NPNT: variants seen among roughly 807,000 people sequenced by gnomAD.
The protein encoded by NPNT is nephronectin, also known as preosteoblast EGF-like repeat protein with MAM domain.
NPNT carries 45 observed loss-of-function variants against 68.6 expected under a neutral mutation model. That is an observed-to-expected ratio of 0.66 (90% CI 0.52 to 0.84). The LOEUF (loss-of-function observed/expected upper bound fraction) is 0.84. Ranked by LOEUF, NPNT falls within the 40% of genes least tolerant of loss-of-function variation. The pLI, the probability that NPNT is intolerant of heterozygous loss-of-function variation, is 0.00. For synonymous variants in NPNT, 233 were observed against 253.3 expected, an observed-to-expected ratio of 0.92 and a Z score of 0.76; for missense variants, 672 against 714.8, an observed-to-expected ratio of 0.94 and a Z score of 0.68.
At chr4:105,948,014 T>C (rs1415934362) in intron 8 of NPNT, among the ~76,000 whole-genome samples, 1 of 152,184 alleles carries the variant, frequency 6.6e-6, no homozygotes, top group African/African-American at 2.4e-5. Context: ...TTGGATTTAA[T>C]TTTTTTCATT....
intron 8 of NPNT, among the ~76,000 whole-genome samples, chr4:105,948,924 C>T (rs1018678451): frequency 4.6e-5 from 7 of 152,022 alleles, no homozygotes; most frequent in African/African-American, 1.7e-4. Context: ...TTGAGGGACC[C>T]TAGGTTTTTT....
chr4:105,930,685 T>C (rs1729042870), intron 3 of NPNT, among the ~76,000 whole-genome samples: 1 of 152,200 alleles, frequency 6.6e-6, no homozygotes, highest in African/African-American at 2.4e-5. Context: ...AAAAGTAGCT[T>C]TTGGTATATG....
intron 8 of NPNT, among the ~76,000 whole-genome samples, chr4:105,953,647 T>G (rs1025555290): frequency 6.6e-6 from 1 of 152,194 alleles, no homozygotes; most frequent in African/African-American, 2.4e-5. Flanking sequence ...ATAAAACTCT[T>G]GTCATTCATC....
intron 2 of NPNT, among the ~76,000 whole-genome samples, chr4:105,905,926 T>C (rs1187429096): frequency 1.3e-5 from 2 of 152,216 alleles, no homozygotes; most frequent in Non-Finnish European, 2.9e-5. Flanking sequence ...TCTTCTATTT[T>C]TGATTCCTTA....
At chr4:105,927,237 G>GT (rs1449302711) in intron 2 of NPNT, 99 bp from the exon 3 acceptor site, 46 of 714,644 alleles carry the variant, frequency 6.4e-5, no homozygotes, top group South Asian at 9.7e-5. Flanking sequence ...GTAAGTTCTA[G>GT]TTTTTTTTCT....
At chr4:105,899,348 G>C (rs963498648) in intron 2 of NPNT, among the ~76,000 whole-genome samples, 3 of 152,144 alleles carry the variant, frequency 2.0e-5, no homozygotes, top group Non-Finnish European at 4.4e-5. Context: ...ACCCTCCTGA[G>C]TGAAAAATGA....
At chr4:105,899,690 A>G (rs1726238418) in intron 2 of NPNT, among the ~76,000 whole-genome samples, 1 of 152,222 alleles carries the variant, frequency 6.6e-6, no homozygotes, top group Non-Finnish European at 1.5e-5. Context: ...TCTATGTTAC[A>G]GTGAAATAAA....
At chr4:105,966,384 C>G (rs1038332666) in intron 10 of NPNT, among the ~76,000 whole-genome samples, 2 of 151,946 alleles carry the variant, frequency 1.3e-5, no homozygotes, top group African/African-American at 4.8e-5. Flanking sequence ...ACTCTGTAGC[C>G]CTAGGGATCT....
At chr4:105,960,152 G>T (rs1456205645) in intron 10 of NPNT, among the ~76,000 whole-genome samples, 1 of 152,204 alleles carries the variant, frequency 6.6e-6, no homozygotes, top group Non-Finnish European at 1.5e-5. Context: ...TAATGGAAGG[G>T]TGAGGAGTTT....
chr4:105,926,617 C>T (rs1234342365), intron 2 of NPNT, among the ~76,000 whole-genome samples: 2 of 152,122 alleles, frequency 1.3e-5, no homozygotes, highest in African/African-American at 2.4e-5. Flanking sequence ...TCCAATTAAA[C>T]AGTGAAAATA....
At position 105,895,600 on chromosome 4, in the gene NPNT, C is replaced by A; in HGVS notation, c.-53C>A. 6.7e-7 allele frequency: 1 copy of A among 1,493,078 alleles called. No homozygotes were observed. Among genetic ancestry groups the A allele is most frequent in the Non-Finnish European group, 9.1e-7 (1 of 1,097,242 alleles). The allele number at this position is 1,493,078 out of a possible 1,614,324, so 92.5% of individuals were successfully genotyped here. A position where few individuals can be genotyped will look rare whatever the true frequency, so the allele number is the denominator to read the frequency against. ...GCGCCTCCCATCGGCGCCCACCACC[C>A]CAACCTGTTCCTCGCGCGCCACTGC... On this transcript the variant is annotated 5_prime_UTR_variant, in exon 1 of 12. Coordinates refer to ENST00000379987, the MANE Select transcript of NPNT (RefSeq NM_001033047.3).
chr4:105,968,108 T>A (rs148896774), intron 11 of NPNT, among the ~76,000 whole-genome samples: 68 of 152,338 alleles, frequency 4.5e-4, no homozygotes, highest in African/African-American at 1.3e-3. Flanking sequence ...TGTCATCATT[T>A]TGCTGGTGCT....
chr4:105,960,198 T>C (rs113828509), intron 10 of NPNT, among the ~76,000 whole-genome samples: 1 of 152,216 alleles, frequency 6.6e-6, no homozygotes, highest in African/African-American at 2.4e-5. Flanking sequence ...CTCCTGATTC[T>C]AGATTTTAAG....
intron 8 of NPNT, among the ~76,000 whole-genome samples, chr4:105,947,351 C>G (rs7672530): frequency 0.92 from 139,854 of 152,212 alleles, 64,350 homozygotes; most frequent in East Asian, 1. Context: ...GAAGATAATA[C>G]GATTAAGAGA....
At chr4:105,898,246 C>A (rs2149309343) in intron 2 of NPNT, 1 of 350,372 alleles carries the variant, frequency 2.9e-6, no homozygotes, top group Non-Finnish European at 5.1e-6. Flanking sequence ...TAGCATTTTT[C>A]CCCCCAAATC....
rs567203969 is a variant in NPNT, at chr4:105,895,674, G to T, written c.22G>T (p.Val8Leu). 6.4e-7 allele frequency: 1 copy of T among 1,553,012 alleles called. No homozygotes were observed. The highest frequency in any genetic ancestry group is 1.2e-5 in the South Asian group (1 of 84,152). The change falls in exon 1 of 12, where the codon GTG becomes TTG. Residue 8 changes from valine to leucine, a missense_variant. By Grantham distance (32) the Val-to-Leu change is conservative. Transcript: ENST00000379987. MDFLLAL[V>L]LVSSLYLQAA... is the part of the protein sequence containing the mutation. ...CAACATGGATTTTCTCCTGGCGCTGGTGCTGGTATCCTCGCTCTACCTGCA... is the reference window on the plus strand; with the variant it reads ...CAACATGGATTTTCTCCTGGCGCTGTTGCTGGTATCCTCGCTCTACCTGCA...
At position 105,895,480 on chromosome 4, in the gene NPNT, A is replaced by C. The variant is rs1449124563; in HGVS notation, c.-173A>C. 8.6e-6 allele frequency: 5 copies of C among 583,696 alleles called. No individual in the cohort carries two copies. The East Asian group carries it at 1.6e-4, about 18-fold the overall frequency. 36.2% of individuals were successfully genotyped at this position (583,696 alleles called of 1,614,324 possible). On this transcript the variant is annotated 5_prime_UTR_variant, in exon 1 of 12. Transcript: ENST00000379987. ...GGGGGCTCCGGGCGCCGCGCAGCAG[A>C]CCTGCTCCGGCCGCGCGCCTCGCCG...
intron 2 of NPNT, among the ~76,000 whole-genome samples, chr4:105,898,402 TG>T (rs1726132407): frequency 7.1e-6 from 1 of 139,996 alleles, no homozygotes; most frequent in African/African-American, 2.7e-5. Flanking sequence ...TGCTCCAGGC[TG>T]GGAGATGGGG....
intron 2 of NPNT, among the ~76,000 whole-genome samples, chr4:105,922,841 G>T (rs149551938): frequency 3.9e-5 from 6 of 152,262 alleles, no homozygotes; most frequent in Non-Finnish European, 8.8e-5. Context: ...TGATTTTGGG[G>T]TAAAATGTCT....
Sources: allele counts gnomAD v4.1 joint callset (sites outside exome capture counted in the v4.1 genomes callset), GRCh38; gene constraint gnomAD v4.1.1; transcripts MANE v1.5; gene names NCBI Gene and HGNC (gene_info 2026-07-23, HGNC 2026-07-21).